PRDM16: variants seen among roughly 807,000 people sequenced by gnomAD.
PRDM16 encodes histone-lysine N-methyltransferase PRDM16.
Under a neutral mutation model 110.6 loss-of-function variants are expected in PRDM16, and 23 were observed. That is an observed-to-expected ratio of 0.21 (90% CI 0.15 to 0.29). PRDM16 has a LOEUF of 0.29. PRDM16 is among the 10% of genes least tolerant of loss of function. The pLI is 1.00. For missense variants in PRDM16, 1,615 were observed against 1,794.3 expected, an observed-to-expected ratio of 0.90 and a Z score of 1.81; for synonymous variants, 799 against 781.8, an observed-to-expected ratio of 1.02 and a Z score of -0.37.
intron 3 of PRDM16, among the ~76,000 whole-genome samples, chr1:3,360,308 G>A (rs1642689296): frequency 6.6e-6 from 1 of 152,194 alleles, no homozygotes; most frequent in Non-Finnish European, 1.5e-5. Flanking sequence ...GGATGAACAA[G>A]TCTTCTAGGC....
At chr1:3,088,811 G>A (rs974134652) in intron 1 of PRDM16, among the ~76,000 whole-genome samples, 4 of 150,554 alleles carry the variant, frequency 2.7e-5, no homozygotes, top group Admixed American at 6.6e-5. Context: ...TTTTGGAGAT[G>A]GGGTCTCACT....
At position 3,201,046 on chromosome 1, in the gene PRDM16, G is replaced by GC. The variant is rs553045371; in HGVS notation, c.387+14574dup. ...GCTGTGAGTCCAGGGTCAACCCTTA[G>GC]CCGGAGTGGGGACTCCGGGGAAGGC... On this transcript the variant is annotated intron_variant, in intron 2 of 16. Coordinates refer to ENST00000270722, the MANE Select transcript of PRDM16 (RefSeq NM_022114.4). The surrounding 1 kb of genome is among the most constrained non-coding windows in gnomAD (Gnocchi z 4.1). 2.6e-4 allele frequency among the ~76,000 whole-genome samples: 39 copies of GC among 152,254 alleles called. No individual in the cohort carries two copies. In the East Asian group the frequency reaches 6.8e-3, roughly 27 times the overall value.
chr1:3,149,787 G>A (rs1429153256), intron 1 of PRDM16, among the ~76,000 whole-genome samples: 2 of 152,220 alleles, frequency 1.3e-5, no homozygotes, highest in East Asian at 3.9e-4. Flanking sequence ...CGCTCAGGAG[G>A]GAGGGAGGCT....
At chr1:3,371,197 C>A (rs1355208709) in intron 3 of PRDM16, among the ~76,000 whole-genome samples, 1 of 109,198 alleles carries the variant, frequency 9.2e-6, no homozygotes, top group East Asian at 2.5e-4. Context: ...ATCCATCCAT[C>A]CATCCATCCA....
At chr1:3,429,164 G>A (rs2483243) in intron 14 of PRDM16, among the ~76,000 whole-genome samples, 9,558 of 152,274 alleles carry the variant, frequency 0.063, 988 homozygotes, top group African/African-American at 0.22. Context: ...GCCTGCCCTC[G>A]CCTGGATCTT....
rs940546042 is a variant in PRDM16, at chr1:3,437,421, C to T, written c.*3610C>T. 1.7e-5 allele frequency: 4 copies of T among 231,436 alleles called. No individual in the cohort carries two copies. In the East Asian group the frequency reaches 1.8e-4, roughly 11 times the overall value. The allele number at this position is 231,436 out of a possible 1,614,324, so 14.3% of individuals were successfully genotyped here. A position where few individuals can be genotyped will look rare whatever the true frequency, so the allele number is the denominator to read the frequency against. On this transcript the variant is annotated 3_prime_UTR_variant, in exon 17 of 17. Coordinates refer to ENST00000270722, the MANE Select transcript of PRDM16 (RefSeq NM_022114.4). ...TTGTGGTCCCCTGCCCCCTCTGTCC[C>T]GTCCCCCTGCCCAAGTGACTGAAAC...
intron 3 of PRDM16, among the ~76,000 whole-genome samples, chr1:3,303,449 T>A (rs1641249068): frequency 6.6e-6 from 1 of 152,088 alleles, no homozygotes; most frequent in Non-Finnish European, 1.5e-5. Flanking sequence ...AAACCCACAT[T>A]TTCTGTCTGC....
intron 2 of PRDM16, among the ~76,000 whole-genome samples, chr1:3,198,696 C>T (rs1305952440): frequency 6.6e-6 from 1 of 152,218 alleles, no homozygotes; most frequent in African/African-American, 2.4e-5. Context: ...GTCCCGGCTG[C>T]GCCTCTTGCA....
At chr1:3,129,636 C>T (rs1643292754) in intron 1 of PRDM16, among the ~76,000 whole-genome samples, 1 of 152,174 alleles carries the variant, frequency 6.6e-6, no homozygotes, top group Non-Finnish European at 1.5e-5. Flanking sequence ...CAGGTTCTCC[C>T]AGGTCCTCCG....
intron 3 of PRDM16, among the ~76,000 whole-genome samples, chr1:3,356,414 C>T (rs1425359303): frequency 6.6e-6 from 1 of 152,240 alleles, no homozygotes; most frequent in Non-Finnish European, 1.5e-5. Flanking sequence ...TGTCCACACC[C>T]AATCTGCCCT....
intron 2 of PRDM16, among the ~76,000 whole-genome samples, chr1:3,215,024 G>A (rs1382093889): frequency 6.6e-6 from 1 of 152,148 alleles, no homozygotes; most frequent in East Asian, 1.9e-4. Flanking sequence ...GGGATTGTGT[G>A]GTCAGCTGAT....
intron 3 of PRDM16, among the ~76,000 whole-genome samples, chr1:3,293,361 A>T (rs1641019180): frequency 6.6e-6 from 1 of 152,210 alleles, no homozygotes; most frequent in Admixed American, 6.5e-5. Context: ...GTCAGCACAT[A>T]ACCTTTGAAA....
chr1:3,163,611 A>G (rs983876963), intron 1 of PRDM16, among the ~76,000 whole-genome samples: 2 of 152,202 alleles, frequency 1.3e-5, no homozygotes, highest in Admixed American at 6.5e-5. Flanking sequence ...TCAGGGCCAG[A>G]AGTCTGGGAT....
intron 2 of PRDM16, among the ~76,000 whole-genome samples, chr1:3,194,073 G>A (rs1638390289): frequency 6.6e-6 from 1 of 152,236 alleles, no homozygotes; most frequent in Non-Finnish European, 1.5e-5. Flanking sequence ...AGGAGGAGTG[G>A]AGAGCCCGCC....
intron 1 of PRDM16, among the ~76,000 whole-genome samples, chr1:3,139,731 A>C (rs1198800323): frequency 2.6e-5 from 4 of 152,244 alleles, no homozygotes; most frequent in African/African-American, 9.6e-5. Context: ...TCACCTCGGA[A>C]GCCCATGCAC....
At chr1:3,233,650 T>G in intron 2 of PRDM16, among the ~76,000 whole-genome samples, 1 of 152,190 alleles carries the variant, frequency 6.6e-6, no homozygotes, top group East Asian at 1.9e-4. Flanking sequence ...GCCTCCCTGT[T>G]GCCTACATAA....
intron 3 of PRDM16, among the ~76,000 whole-genome samples, chr1:3,328,402 T>A (rs1045198594): frequency 6.6e-6 from 1 of 152,190 alleles, no homozygotes; most frequent in East Asian, 1.9e-4. Flanking sequence ...GGGGCTTTGA[T>A]GACAGGGCCC....
In PRDM16 at chr1:3,390,273, AGTG is replaced by A. The variant is rs1643276321; in HGVS notation, c.573+4989_573+4991del. On this transcript the variant is annotated intron_variant, in intron 4 of 16. Coordinates refer to ENST00000270722, the MANE Select transcript of PRDM16 (RefSeq NM_022114.4). This position sits in a 1 kb window ranked among gnomAD's most constrained non-coding sequence, Gnocchi z 5.0. The stretch of plus-strand genomic sequence containing the variant: ...GTTGGTGGTGGGATGTCAACTGTCT[AGTG>A]GGGCTGAAGATGGCTGGGGACAGGG... Among the ~76,000 whole-genome samples, 1 of 152,074 alleles carries A rather than the reference AGTG, an allele frequency of 6.6e-6. No homozygotes were observed. The highest frequency in any genetic ancestry group is 2.1e-4 in the South Asian group (1 of 4,828).
In PRDM16 at chr1:3,281,096, G is replaced by A. The variant is rs987940485; in HGVS notation, c.438+36959G>A. 2.6e-5 allele frequency among the ~76,000 whole-genome samples: 4 copies of A among 152,216 alleles called. No individual in the cohort carries two copies. In the East Asian group the frequency reaches 7.7e-4, roughly 29 times the overall value. The stretch of plus-strand genomic sequence containing the variant: ...GCCTCAGCCCACTGTCTCAAAAGTG[G>A]GGCCATTGGCATTCTGGACTGTCAA... On this transcript the variant is annotated intron_variant, in intron 3 of 16. Transcript: ENST00000270722.
Sources: allele counts gnomAD v4.1 joint callset (sites outside exome capture counted in the v4.1 genomes callset), GRCh38; gene constraint gnomAD v4.1.1; non-coding constraint Gnocchi (gnomAD v3.1); transcripts MANE v1.5; gene names NCBI Gene and HGNC (gene_info 2026-07-23, HGNC 2026-07-21).